CENPK: variants seen among roughly 807,000 people sequenced by gnomAD.
CENPK encodes centromere protein K.
In CENPK, 46 loss-of-function variants were observed where a neutral mutation model predicts 40.9. The ratio of observed to expected loss-of-function variants is 1.13; its 90% CI spans 0.89 to 1.44. CENPK has a LOEUF of 1.44. CENPK is among the 40% of genes most tolerant of loss of function. The pLI is 0.00. For missense variants in CENPK, 288 were observed against 303.5 expected, an observed-to-expected ratio of 0.95 and a Z score of 0.38; for synonymous variants, 107 against 104.4, an observed-to-expected ratio of 1.02 and a Z score of -0.15.
the CENPK span, among the ~76,000 whole-genome samples, chr5:65,506,941 G>A: frequency 6.6e-6 from 1 of 152,048 alleles, no homozygotes; most frequent in African/African-American, 2.4e-5. Context: ...TACTAGCTAG[G>A]ATGCTTTCAG....
intron 9 of CENPK, among the ~76,000 whole-genome samples, chr5:65,524,837 T>C (rs1744400751): frequency 1.3e-5 from 2 of 152,126 alleles, no homozygotes; most frequent in Admixed American, 6.5e-5. Flanking sequence ...AATAAGGGTA[T>C]AGGAAAAAGA....
intron 8 of CENPK, 82 bp from the exon 9 acceptor site, chr5:65,528,660 C>T (rs1366180022): frequency 4.4e-6 from 6 of 1,377,282 alleles, no homozygotes; most frequent in Non-Finnish European, 2.9e-6. Context: ...TGAAGTTGAT[C>T]AAAAACTTTG....
chr5:65,521,016 AT>A (rs1354403963), intron 10 of CENPK, among the ~76,000 whole-genome samples: 3 of 152,198 alleles, frequency 2.0e-5, no homozygotes, highest in Non-Finnish European at 4.4e-5. Context: ...AAAGAGACTG[AT>A]GTTATTTTTT....
At chr5:65,546,353 T>C (rs1748982968) in intron 5 of CENPK, among the ~76,000 whole-genome samples, 1 of 135,080 alleles carries the variant, frequency 7.4e-6, no homozygotes, top group South Asian at 2.4e-4. Context: ...AAAAAGAATC[T>C]AGGAGGACTC....
intron 9 of CENPK, among the ~76,000 whole-genome samples, chr5:65,527,538 T>TTC (rs1744938364): frequency 6.5e-5 from 5 of 77,138 alleles, no homozygotes; most frequent in Non-Finnish European, 8.8e-5. Context: ...TATATATATA[T>TTC]ATATATATAT....
chr5:65,516,568 T>G (rs1742870816), downstream of CENPK, among the ~76,000 whole-genome samples: 1 of 152,156 alleles, frequency 6.6e-6, no homozygotes, highest in South Asian at 2.1e-4. Context: ...TAATAGCATG[T>G]ATCAAATAGT....
At chr5:65,539,366 C>T (rs1241372703) in intron 6 of CENPK, among the ~76,000 whole-genome samples, 1 of 152,202 alleles carries the variant, frequency 6.6e-6, no homozygotes, top group East Asian at 1.9e-4. Flanking sequence ...TGATCTCCAA[C>T]TGTGAACTTG....
At chr5:65,555,917 A>G (rs890310531) in intron 2 of CENPK, among the ~76,000 whole-genome samples, 4 of 152,194 alleles carry the variant, frequency 2.6e-5, no homozygotes, top group Admixed American at 2.0e-4. Context: ...CTGCAGTTGA[A>G]AGCAAAGTTT....
the CENPK span, among the ~76,000 whole-genome samples, chr5:65,498,824 T>C: frequency 1.3e-5 from 2 of 151,832 alleles, no homozygotes; most frequent in African/African-American, 4.8e-5. Flanking sequence ...GCCTGGCTAA[T>C]TTATTTTTTG....
chr5:65,526,923 T>C (rs1744805861), intron 9 of CENPK, among the ~76,000 whole-genome samples: 1 of 152,048 alleles, frequency 6.6e-6, no homozygotes, highest in Non-Finnish European at 1.5e-5. Context: ...TGAAACCCTG[T>C]CTACTAGAAA....
chr5:65,525,543 T>C (rs1347027520), intron 9 of CENPK, among the ~76,000 whole-genome samples: 2 of 152,152 alleles, frequency 1.3e-5, no homozygotes, highest in Non-Finnish European at 1.5e-5. Context: ...AATGATCTGA[T>C]GGAGGGAGTT....
chr5:65,551,709 C>A, intron 4 of CENPK, 73 bp from the exon 5 acceptor site: 1 of 870,942 alleles, frequency 1.1e-6, no homozygotes, highest in Non-Finnish European at 1.8e-6. Context: ...TATAAACATT[C>A]TTAATATTTT....
At chr5:65,536,301 G>C (rs1580982383) in intron 6 of CENPK, among the ~76,000 whole-genome samples, 1 of 152,134 alleles carries the variant, frequency 6.6e-6, no homozygotes, top group South Asian at 2.1e-4. Flanking sequence ...AAATTTGGTG[G>C]ATCTTTTTCA....
At chr5:65,521,436 G>A (rs1743724421) in intron 10 of CENPK, 39 bp downstream of exon 10, 1 of 1,529,586 alleles carries the variant, frequency 6.5e-7, no homozygotes, top group Non-Finnish European at 9.0e-7. Context: ...AAATGACTAA[G>A]ACAGCTTCAA....
intron 9 of CENPK, among the ~76,000 whole-genome samples, chr5:65,525,229 G>C (rs1744472856): frequency 2.0e-5 from 3 of 151,880 alleles, no homozygotes. Flanking sequence ...AGCCAGCATA[G>C]CAGTGCGCAC....
chr5:65,525,258 A>C (rs971021958), intron 9 of CENPK, among the ~76,000 whole-genome samples: 20 of 152,074 alleles, frequency 1.3e-4, no homozygotes, highest in African/African-American at 4.6e-4. Flanking sequence ...CCAGCTACTC[A>C]GGAGGCTGAG....
rs1188663525 is a variant in CENPK at position 65,559,719 on chromosome 5, C to T, written c.-40+1744G>A. ...TGAAAAATAAGATGGGAGGACATAC[C>T]CTACACTATTATGGCAATGTAGAAC... is the stretch of plus-strand genomic sequence containing the variant. On this transcript the variant is annotated intron_variant, in intron 2 of 10. Transcript: ENST00000396679. 1.9e-3 allele frequency among the ~76,000 whole-genome samples: 284 copies of T among 151,974 alleles called. 3 individuals carry two copies. Among genetic ancestry groups the T allele is most frequent in the African/African-American group, 6.8e-3 (280 of 41,454 alleles).
intron 5 of CENPK, among the ~76,000 whole-genome samples, chr5:65,543,653 T>C (rs374817607): frequency 4.6e-5 from 7 of 152,322 alleles, no homozygotes; most frequent in East Asian, 1.9e-4. Context: ...TACTGAGTGA[T>C]TGCCCTCTTG....
chr5:65,540,157 C>T (rs185996896), intron 6 of CENPK, among the ~76,000 whole-genome samples: 9 of 152,320 alleles, frequency 5.9e-5, no homozygotes, highest in African/African-American at 2.2e-4. Flanking sequence ...ATTTTTCAAA[C>T]ATTTAAATTC....
Sources: allele counts gnomAD v4.1 joint callset (sites outside exome capture counted in the v4.1 genomes callset), GRCh38; gene constraint gnomAD v4.1.1; transcripts MANE v1.5; gene names NCBI Gene and HGNC (gene_info 2026-07-23, HGNC 2026-07-21).